SEPTIN9: variants seen among roughly 807,000 people sequenced by gnomAD.
SEPTIN9 encodes septin-9.
Under a neutral mutation model 56.6 loss-of-function variants are expected in SEPTIN9, and 13 were observed. The observed-to-expected ratio is 0.23, with a 90% CI of 0.15 to 0.37. The LOEUF is 0.37. Ranked by LOEUF, SEPTIN9 falls within the 10% of genes least tolerant of loss-of-function variation. The pLI is 1.00. For synonymous variants in SEPTIN9, 332 were observed against 334.1 expected (o/e 0.99, Z 0.07); for missense variants, 650 against 823.1 (o/e 0.79, Z 2.57).
intron 3 of SEPTIN9, among the ~76,000 whole-genome samples, chr17:77,412,724 T>TA (rs919702517): frequency 7.4e-4 from 106 of 143,090 alleles, no homozygotes; most frequent in Admixed American, 5.6e-3. Context: ...AGATCCTGTC[T>TA]AAAAAAAAAA....
intron 1 of SEPTIN9, among the ~76,000 whole-genome samples, chr17:77,291,741 G>A (rs920442757): frequency 1.3e-5 from 2 of 152,148 alleles, no homozygotes; most frequent in Admixed American, 6.5e-5. Context: ...GCCTCCCAAA[G>A]CGCTGGGAGT....
chr17:77,398,266 C>T (rs562630942), intron 2 of SEPTIN9, among the ~76,000 whole-genome samples: 8 of 152,294 alleles, frequency 5.3e-5, no homozygotes, highest in Middle Eastern at 3.4e-3. Context: ...TGAGCCACCA[C>T]GCCTGGCTTA....
Position 77,450,463 on chromosome 17 carries a change from G to T in SEPTIN9, c.722-31681G>T, listed in dbSNP as rs555471532. On this transcript the variant is annotated intron_variant, in intron 3 of 11. Coordinates refer to ENST00000427177, the MANE Select transcript of SEPTIN9 (RefSeq NM_001113491.2). The surrounding 1 kb of genome is among the most constrained non-coding windows in gnomAD (Gnocchi z 6.0). ...CCCTCCCAGCCCCCAGCAAGCCCTCGGAACGAGCCCACTCCCAGGCGCTCT... is the reference window on the plus strand; with the variant it reads ...CCCTCCCAGCCCCCAGCAAGCCCTCTGAACGAGCCCACTCCCAGGCGCTCT... 31 of 985,250 alleles carry T rather than the reference G, an allele frequency of 3.1e-5. No homozygotes were observed. The highest frequency in any genetic ancestry group is 3.7e-5 in the Non-Finnish European group (31 of 829,792). 61.0% of individuals were successfully genotyped at this position (985,250 alleles called of 1,614,324 possible). A position where few individuals can be genotyped will look rare whatever the true frequency, so the allele number is the denominator to read the frequency against.
intron 2 of SEPTIN9, among the ~76,000 whole-genome samples, chr17:77,366,672 G>T (rs896670368): frequency 6.6e-6 from 1 of 152,166 alleles, no homozygotes; most frequent in Non-Finnish European, 1.5e-5. Flanking sequence ...CCATCAGGTT[G>T]GATGTTATTG....
chr17:77,308,522 T>A (rs1442735326), intron 2 of SEPTIN9, among the ~76,000 whole-genome samples: 1 of 152,260 alleles, frequency 6.6e-6, no homozygotes, highest in Non-Finnish European at 1.5e-5. Flanking sequence ...CCTGGGTCTA[T>A]TGCACACTCA....
rs34313886 is a variant in SEPTIN9 at position 77,363,379 on chromosome 17, CTTTTTTTTTTTT to C, written c.77-38665_77-38654del. On this transcript the variant is annotated intron_variant, in intron 2 of 11. Coordinates refer to ENST00000427177, the MANE Select transcript of SEPTIN9 (RefSeq NM_001113491.2). ...CTGGCTCTCCAGGCCTTGGGCCTGT[CTTTTTTTTTTTT>C]TTTTTTTTTTTTTTGAGATGGAGTC... Among the ~76,000 whole-genome samples the C allele has an allele frequency of 6.6e-3, 442 of 66,634 alleles. 6 individuals carry two copies. Among genetic ancestry groups the C allele is most frequent in the African/African-American group, 0.025 (406 of 16,096 alleles). 43.7% of individuals were successfully genotyped at this position (66,634 alleles called of 152,430 possible).
At chr17:77,411,829 G>A (rs988422130) in intron 3 of SEPTIN9, among the ~76,000 whole-genome samples, 24 of 152,106 alleles carry the variant, frequency 1.6e-4, no homozygotes, top group African/African-American at 5.8e-4. Context: ...TCAAGGATGT[G>A]TGCATTTAAG....
At position 77,327,942 on chromosome 17, in the gene SEPTIN9, C is replaced by T. The variant is rs1334194000; in HGVS notation, c.76+20745C>T. ...TCCCCGTGCCTAGGGCATCCCGATGCTCAGAGTTTCCCCGTGCCCAGTGTG... is the reference window on the plus strand; with the variant it reads ...TCCCCGTGCCTAGGGCATCCCGATGTTCAGAGTTTCCCCGTGCCCAGTGTG... On this transcript the variant is annotated intron_variant, in intron 2 of 11. Transcript: ENST00000427177. The surrounding 1 kb of genome is among the most constrained non-coding windows in gnomAD (Gnocchi z 5.0). Among the ~76,000 whole-genome samples, 1 of 151,994 alleles carries T rather than the reference C, an allele frequency of 6.6e-6. No individual in the cohort carries two copies. The highest frequency in any genetic ancestry group is 2.4e-5 in the African/African-American group (1 of 41,370).
In SEPTIN9 at chr17:77,310,206, C is replaced by G. The variant is rs746783066; in HGVS notation, c.76+3009C>G. Among the ~76,000 whole-genome samples, 1 of 152,024 alleles carries G rather than the reference C, an allele frequency of 6.6e-6. No individual in the cohort carries two copies. The highest frequency in any genetic ancestry group is 1.5e-5 in the Non-Finnish European group (1 of 67,972). ...CATGTTGGTCAGGCTGGTCTCATACCCCTGACCTCAGGTGATCCACCTGCC... is the reference window on the plus strand; with the variant it reads ...CATGTTGGTCAGGCTGGTCTCATACGCCTGACCTCAGGTGATCCACCTGCC... On this transcript the variant is annotated intron_variant, in intron 2 of 11. Transcript: ENST00000427177. The surrounding 1 kb of genome is among the most constrained non-coding windows in gnomAD (Gnocchi z 4.7).
chr17:77,454,409 C>G, intron 3 of SEPTIN9: 1 of 982,870 alleles, frequency 1.0e-6, no homozygotes, highest in Non-Finnish European at 1.2e-6. Context: ...GGAAGCTTTC[C>G]CAGGAGGGCT....
chr17:77,368,643 T>C (rs1477060622), intron 2 of SEPTIN9, among the ~76,000 whole-genome samples: 1 of 152,240 alleles, frequency 6.6e-6, no homozygotes, highest in Non-Finnish European at 1.5e-5. Context: ...ACATATATTT[T>C]ATCACAGTAA....
At chr17:77,385,269 T>G (rs2035296025) in intron 2 of SEPTIN9, among the ~76,000 whole-genome samples, 1 of 151,716 alleles carries the variant, frequency 6.6e-6, no homozygotes, top group East Asian at 1.9e-4. Flanking sequence ...TTCAGGTGAT[T>G]CTCATGCCTC....
rs1477949224 is a variant in SEPTIN9 at position 77,450,462 on chromosome 17, C to G, written c.722-31682C>G. 1 of 984,964 alleles carries G rather than the reference C, an allele frequency of 1.0e-6. No individual in the cohort carries two copies. Among genetic ancestry groups the G allele is most frequent in the Non-Finnish European group, 1.2e-6 (1 of 829,616 alleles). 61.0% of individuals were successfully genotyped at this position (984,964 alleles called of 1,614,324 possible). A position where few individuals can be genotyped will look rare whatever the true frequency, so the allele number is the denominator to read the frequency against. ...TCCCTCCCAGCCCCCAGCAAGCCCTCGGAACGAGCCCACTCCCAGGCGCTC... is the reference window on the plus strand; with the variant it reads ...TCCCTCCCAGCCCCCAGCAAGCCCTGGGAACGAGCCCACTCCCAGGCGCTC... On this transcript the variant is annotated intron_variant, in intron 3 of 11. Coordinates refer to ENST00000427177, the MANE Select transcript of SEPTIN9 (RefSeq NM_001113491.2). The surrounding 1 kb of genome is among the most constrained non-coding windows in gnomAD (Gnocchi z 6.0).
chr17:77,413,927 C>A (rs529263767), intron 3 of SEPTIN9, among the ~76,000 whole-genome samples: 1 of 150,026 alleles, frequency 6.7e-6, no homozygotes, highest in African/African-American at 2.5e-5. Flanking sequence ...GCGTGTGCTA[C>A]ACTCAGTATT....
chr17:77,457,584 T>C (rs2038269833), intron 3 of SEPTIN9, among the ~76,000 whole-genome samples: 1 of 152,246 alleles, frequency 6.6e-6, no homozygotes, highest in Non-Finnish European at 1.5e-5. Flanking sequence ...TCAAACCCTG[T>C]GACCAAGAGT....
chr17:77,467,527 T>TC (rs111992354), intron 3 of SEPTIN9, among the ~76,000 whole-genome samples: 152,262 of 152,262 alleles, frequency 1, 76,131 homozygotes, highest in Non-Finnish European at 1. Flanking sequence ...TCCACTCCCC[T>TC]CCCACCGGGC....
In SEPTIN9 at chr17:77,400,136, C is replaced by T. The variant is rs2035853100; in HGVS notation, c.77-1923C>T. Reference sequence around the variant, plus strand: ...GGACTATAGGCGAGTGTCACCATGCCCAGCTAATTTTTTATTTTTAGTAAA... The same window carrying T: ...GGACTATAGGCGAGTGTCACCATGCTCAGCTAATTTTTTATTTTTAGTAAA... On this transcript the variant is annotated intron_variant, in intron 2 of 11. Coordinates refer to ENST00000427177, the MANE Select transcript of SEPTIN9 (RefSeq NM_001113491.2). The surrounding 1 kb of genome is among the most constrained non-coding windows in gnomAD (Gnocchi z 4.1). Among the ~76,000 whole-genome samples the T allele has an allele frequency of 6.6e-6, 1 of 152,074 alleles. No individual in the cohort carries two copies. Among genetic ancestry groups the T allele is most frequent in the South Asian group, 2.1e-4 (1 of 4,826 alleles).
intron 3 of SEPTIN9, chr17:77,469,085 C>T (rs1159633404): frequency 1.3e-5 from 2 of 152,348 alleles, no homozygotes; most frequent in Admixed American, 1.3e-4. Flanking sequence ...ATACCCAGGA[C>T]CCAGCAGAGG....
intron 1 of SEPTIN9, among the ~76,000 whole-genome samples, chr17:77,290,732 A>G (rs1195093285): frequency 2.0e-5 from 3 of 149,314 alleles, no homozygotes; most frequent in Non-Finnish European, 4.5e-5. Context: ...GGAGAATGGC[A>G]TGAACCCGGA....
Sources: allele counts gnomAD v4.1 joint callset (sites outside exome capture counted in the v4.1 genomes callset), GRCh38; gene constraint gnomAD v4.1.1; non-coding constraint Gnocchi (gnomAD v3.1); transcripts MANE v1.5; gene names NCBI Gene and HGNC (gene_info 2026-07-23, HGNC 2026-07-21).